GNE: variants seen among roughly 807,000 people sequenced by gnomAD.
The protein encoded by GNE is glucosamine (UDP-N-acetyl)-2-epimerase/N-acetylmannosamine kinase.
A neutral mutation model predicts 61.8 loss-of-function variants in GNE; 41 were observed. The ratio of observed to expected loss-of-function variants is 0.66; its 90% CI spans 0.52 to 0.86. GNE has a LOEUF of 0.86. Among genes scored for constraint, GNE ranks in the 40% least tolerant of loss-of-function variants. The pLI is 0.00. For synonymous variants in GNE, 264 were observed against 326.4 expected (o/e 0.81, Z 2.06); for missense variants, 608 against 909.1 (o/e 0.67, Z 4.26).
At position 36,265,224 on chromosome 9, in the gene GNE, G is replaced by C. The variant is rs1377631448; in HGVS notation, c.51+11670C>G. 4 of 361,004 alleles carry C rather than the reference G, an allele frequency of 1.1e-5. No homozygotes were observed. In the Admixed American group the frequency reaches 1.4e-4, roughly 12 times the overall value. 22.4% of individuals were successfully genotyped at this position (361,004 alleles called of 1,614,324 possible). On this transcript the variant is annotated intron_variant, in intron 1 of 11. Transcript: ENST00000396594. ...GCTGGGTTCTACGGTTCTCTTCCAT[G>C]ACCCACGTCTTCCAATAGAGCTATA...
At chr9:36,246,541 T>A in intron 2 of GNE, 59 bp from the exon 3 acceptor site, 1 of 1,240,468 alleles carries the variant, frequency 8.1e-7, no homozygotes, top group East Asian at 2.3e-5. Flanking sequence ...AGCCGTAACA[T>A]GCAAGAAAAG....
Position 36,227,466 on chromosome 9 carries a change from A to T in GNE, c.1071-8T>A. On this transcript the variant is annotated splice_region_variant and splice_polypyrimidine_tract_variant and intron_variant, in intron 6 of 11. Coordinates refer to ENST00000642385, the MANE Select transcript of GNE (RefSeq NM_005476.7). ...TCCCCATATATCTTTGAACTGCAAT[A>T]TACAAAAAGTCAATTAAATTATATG... 6.5e-7 allele frequency: 1 copy of T among 1,548,622 alleles called. No individual in the cohort carries two copies. The highest frequency in any genetic ancestry group is 8.9e-7 in the Non-Finnish European group (1 of 1,120,550).
intron 3 of GNE, among the ~76,000 whole-genome samples, chr9:36,243,571 G>A (rs925715586): frequency 3.3e-5 from 5 of 152,150 alleles, no homozygotes; most frequent in Non-Finnish European, 5.9e-5. Flanking sequence ...GGCCAGGTGC[G>A]GTGGCTCATG....
At chr9:36,264,333 G>C (rs192542837) in intron 1 of GNE, among the ~76,000 whole-genome samples, 1 of 151,900 alleles carries the variant, frequency 6.6e-6, no homozygotes, top group African/African-American at 2.4e-5. Flanking sequence ...ATGGGGTTTC[G>C]TCATGTTGCC....
intron 3 of GNE, among the ~76,000 whole-genome samples, chr9:36,237,645 CT>C (rs111629005): frequency 5.2e-5 from 7 of 134,918 alleles, no homozygotes; most frequent in African/African-American, 1.3e-4. Flanking sequence ...GCTCCACTTA[CT>C]TTTTTTTTTA....
chr9:36,264,545 C>A (rs10972815), intron 1 of GNE, among the ~76,000 whole-genome samples: 9,973 of 152,208 alleles, frequency 0.066, 454 homozygotes, highest in Non-Finnish European at 0.1. Flanking sequence ...CACTTCCAAC[C>A]GATTGATGGT....
intron 1 of GNE, among the ~76,000 whole-genome samples, chr9:36,252,135 G>A (rs919648875): frequency 9.2e-5 from 14 of 151,850 alleles, no homozygotes; most frequent in African/African-American, 3.4e-4. Flanking sequence ...ACATGCATGT[G>A]CCACCATGCT....
intron 1 of GNE, among the ~76,000 whole-genome samples, chr9:36,257,255 T>G (rs944869477): frequency 1.3e-5 from 2 of 152,132 alleles, no homozygotes; most frequent in Non-Finnish European, 2.9e-5. Flanking sequence ...AGTACAAATC[T>G]TCCTCGAAAA....
intron 1 of GNE, 56 bp from the exon 2 acceptor site, chr9:36,249,453 A>C: frequency 9.0e-7 from 1 of 1,113,740 alleles, no homozygotes; most frequent in Non-Finnish European, 1.3e-6. Context: ...ATATAACTAA[A>C]CTTTAAACTT....
intron 9 of GNE, among the ~76,000 whole-genome samples, chr9:36,222,510 CA>C (rs1246778153): frequency 6.6e-6 from 1 of 151,844 alleles, no homozygotes; most frequent in Non-Finnish European, 1.5e-5. Context: ...ACACACTAAC[CA>C]AAAAGACTGG....
intron 1 of GNE, among the ~76,000 whole-genome samples, chr9:36,253,951 T>C (rs1460748851): frequency 4.0e-5 from 6 of 151,802 alleles, no homozygotes; most frequent in African/African-American, 1.5e-4. Flanking sequence ...GCAGGAGAGT[T>C]GCTTGAACCT....
chr9:36,233,958 A>T lies in GNE; in HGVS notation c.944T>A (p.Val315Glu). 6.2e-7 allele frequency: 1 copy of T among 1,614,188 alleles called. No individual in the cohort carries two copies. Among genetic ancestry groups the T allele is most frequent in the Non-Finnish European group, 8.5e-7 (1 of 1,179,990 alleles). ...VREVGAFGTP[V>E]INLGTRQIGR... ...AATCTGACGTGTTCCCAGGTTGATCACAGGTGTTCCAAAAGCTCCAACTTC... is the reference window on the plus strand; with the variant it reads ...AATCTGACGTGTTCCCAGGTTGATCTCAGGTGTTCCAAAAGCTCCAACTTC... The change falls in exon 5 of 12, where the codon GTG (valine) becomes GAG (glutamate). Residue 315 changes from valine to glutamate, a missense_variant. Physicochemically the swap from Val to Glu is moderately radical, Grantham distance 121. Transcript: ENST00000642385.
At chr9:36,261,172 T>C (rs1369911333), upstream of GNE, among the ~76,000 whole-genome samples, 1 of 152,138 alleles carries the variant, frequency 6.6e-6, no homozygotes, top group Non-Finnish European at 1.5e-5. Flanking sequence ...CACTCAATAG[T>C]CCAAGATAAT....
chr9:36,247,517 T>C (rs1161162467), intron 2 of GNE, among the ~76,000 whole-genome samples: 1 of 152,146 alleles, frequency 6.6e-6, no homozygotes, highest in Non-Finnish European at 1.5e-5. Flanking sequence ...TTTAACGGTC[T>C]CATCAGATAA....
chr9:36,234,258 G>T, intron 4 of GNE, 126 bp from the exon 5 acceptor site: 1 of 767,920 alleles, frequency 1.3e-6, no homozygotes. Flanking sequence ...TAGGGAAATA[G>T]TAATTTTAAC....
At chr9:36,229,250 C>T (rs1829034353) in intron 5 of GNE, 142 bp from the exon 6 acceptor site, 3 of 699,070 alleles carry the variant, frequency 4.3e-6, no homozygotes, top group African/African-American at 1.8e-5. Flanking sequence ...GAAAATTCAA[C>T]TTTTCTACTT....
intron 1 of GNE, chr9:36,265,077 G>T: frequency 3.3e-6 from 1 of 302,286 alleles, no homozygotes; most frequent in Non-Finnish European, 6.4e-6. Flanking sequence ...GATCTGGCAG[G>T]GTGTCTGCTG....
At chr9:36,264,873 G>C (rs888332620) in intron 1 of GNE, 2 of 156,410 alleles carry the variant, frequency 1.3e-5, no homozygotes, top group African/African-American at 2.4e-5. Flanking sequence ...CATTCCAGCC[G>C]GCAACGGCTA....
chr9:36,273,738 A>G (rs971054095), intron 1 of GNE, among the ~76,000 whole-genome samples: 1 of 148,662 alleles, frequency 6.7e-6, no homozygotes, highest in South Asian at 2.1e-4. Flanking sequence ...GCTTAGGTTC[A>G]GGTGATTCTC....
Sources: allele counts gnomAD v4.1 joint callset (sites outside exome capture counted in the v4.1 genomes callset), GRCh38; gene constraint gnomAD v4.1.1; transcripts MANE v1.5; gene names NCBI Gene and HGNC (gene_info 2026-07-23, HGNC 2026-07-21).